Variants in HDAC9 observed in about 807,000 individuals in gnomAD.
The protein encoded by HDAC9 is MEF-2 interacting transcription repressor (MITR) protein.
HDAC9 carries 41 observed loss-of-function variants against 139.4 expected under a neutral mutation model. The ratio of observed to expected loss-of-function variants is 0.29; its 90% CI spans 0.23 to 0.38. The LOEUF (loss-of-function observed/expected upper bound fraction) is 0.38, where lower values mean the gene tolerates loss of function less well. HDAC9 is among the 10% of genes least tolerant of loss of function. The pLI, the probability that HDAC9 is intolerant of heterozygous loss-of-function variation, is 1.00. For synonymous variants in HDAC9, 517 were observed against 476.2 expected, an observed-to-expected ratio of 1.09 and a Z score of -1.12; for missense variants, 1,147 against 1,297.0, an observed-to-expected ratio of 0.88 and a Z score of 1.78.
At chr7:18,324,647 A>G (rs1178737296) in intron 1 of HDAC9, among the ~76,000 whole-genome samples, 1 of 152,158 alleles carries the variant, frequency 6.6e-6, no homozygotes, top group Non-Finnish European at 1.5e-5. Flanking sequence ...CTCAGGGCCC[A>G]TTGCGGAACT....
chr7:18,431,139 A>G (rs11765376), intron 1 of HDAC9, among the ~76,000 whole-genome samples: 5,443 of 152,194 alleles, frequency 0.036, 120 homozygotes, highest in Middle Eastern at 0.068. Context: ...TGATGCACCT[A>G]CTGTTCCATA....
intron 21 of HDAC9, among the ~76,000 whole-genome samples, chr7:18,856,309 G>A (rs1454116075): frequency 6.6e-6 from 1 of 152,052 alleles, no homozygotes; most frequent in East Asian, 1.9e-4. Context: ...GAAACCATGA[G>A]TAACTGATTA....
At chr7:18,163,025 A>G (rs941730568) in intron 2 of HDAC9, among the ~76,000 whole-genome samples, 2 of 152,126 alleles carry the variant, frequency 1.3e-5, no homozygotes, top group African/African-American at 4.8e-5. Context: ...GTTTTACAAG[A>G]ATTTTCTGCT....
intron 2 of HDAC9, among the ~76,000 whole-genome samples, chr7:18,540,295 G>C (rs926179809): frequency 6.7e-6 from 1 of 149,384 alleles, no homozygotes; most frequent in Non-Finnish European, 1.5e-5. Flanking sequence ...AAAAAAAAAG[G>C]TTGGGTGGGA....
intron 11 of HDAC9, among the ~76,000 whole-genome samples, chr7:18,657,236 A>T (rs1791527833): frequency 6.6e-6 from 1 of 151,864 alleles, no homozygotes; most frequent in Non-Finnish European, 1.5e-5. Context: ...TTTTAGCTTC[A>T]TTTTGCTGAT....
chr7:18,936,089 A>G, intron 23 of HDAC9, 147 bp downstream of exon 23: 1 of 750,972 alleles, frequency 1.3e-6, no homozygotes, highest in Non-Finnish European at 2.1e-6. Flanking sequence ...AGATAAGTTT[A>G]CATGTTCTCG....
chr7:18,451,429 A>ATATGTGTGTGTGTGTGTGTATATATGTG (rs1563001366), intron 1 of HDAC9, among the ~76,000 whole-genome samples: 1 of 137,654 alleles, frequency 7.3e-6, no homozygotes, highest in African/African-American at 2.7e-5. Flanking sequence ...GTGTATATAT[A>ATATGTGTGTGTGTGTGTGTATATATGTG]TGTGTGTGTG....
chr7:18,357,046 C>T (rs548468343), intron 1 of HDAC9, among the ~76,000 whole-genome samples: 243 of 152,200 alleles, frequency 1.6e-3, no homozygotes, highest in African/African-American at 5.4e-3. Flanking sequence ...CTCATCCCCA[C>T]GATTAATGGC....
At chr7:18,371,676 T>C (rs10233044) in intron 1 of HDAC9, among the ~76,000 whole-genome samples, 32,074 of 152,182 alleles carry the variant, frequency 0.21, 3,557 homozygotes, top group Admixed American at 0.23. Flanking sequence ...CTATCCATTC[T>C]CTTTTCTCAT....
chr7:18,452,409 A>G (rs1030638190), intron 1 of HDAC9, among the ~76,000 whole-genome samples: 3 of 152,162 alleles, frequency 2.0e-5, no homozygotes, highest in Non-Finnish European at 4.4e-5. Flanking sequence ...ATGTCTTCCA[A>G]TTGAGGGTCA....
intron 1 of HDAC9, among the ~76,000 whole-genome samples, chr7:18,464,852 T>C (rs952681573): frequency 6.6e-6 from 1 of 152,096 alleles, no homozygotes. Context: ...CTCTAAGATT[T>C]AGTAGATTGT....
chr7:18,508,990 T>C (rs17432462), intron 2 of HDAC9, among the ~76,000 whole-genome samples: 46,909 of 152,120 alleles, frequency 0.31, 8,030 homozygotes, highest in Middle Eastern at 0.4. Context: ...ATTCGTGACA[T>C]GTTGTTACAA....
chr7:18,719,300 T>A (rs1784945826), intron 12 of HDAC9, among the ~76,000 whole-genome samples: 1 of 150,298 alleles, frequency 6.7e-6, no homozygotes, highest in Non-Finnish European at 1.5e-5. Flanking sequence ...TTAACCTCAA[T>A]GAAGCCTAAT....
intron 16 of HDAC9, among the ~76,000 whole-genome samples, chr7:18,786,256 C>A (rs1027253826): frequency 6.6e-6 from 1 of 152,082 alleles, no homozygotes; most frequent in Non-Finnish European, 1.5e-5. Flanking sequence ...TAAATGTGAA[C>A]AGCATTATGT....
intron 14 of HDAC9, among the ~76,000 whole-genome samples, chr7:18,756,073 C>T (rs981672170): frequency 6.6e-6 from 1 of 152,112 alleles, no homozygotes; most frequent in African/African-American, 2.4e-5. Context: ...TTGGAAACAT[C>T]TGGGTGCCCA....
chr7:18,877,699 T>C (rs1009841457), intron 22 of HDAC9, among the ~76,000 whole-genome samples: 2 of 152,158 alleles, frequency 1.3e-5, no homozygotes, highest in African/African-American at 4.8e-5. Context: ...TTTTTAAACA[T>C]TGTTACCTGA....
rs142691189 is a variant in HDAC9 at position 18,970,810 on chromosome 7, T to TAAA, written c.3023-4990_3023-4988dup. 3.0e-3 allele frequency among the ~76,000 whole-genome samples: 461 copies of TAAA among 151,150 alleles called. 2 individuals carry two copies. Among genetic ancestry groups the TAAA allele is most frequent in the Admixed American group, 4.4e-3 (67 of 15,162 alleles). On this transcript the variant is annotated intron_variant, in intron 24 of 25. Transcript: ENST00000686413. ...CAACATCATTCAAATGGAAAAAAGG[T>TAAA]AAAAAAAAGCAAATTTGAGAAGGAG...
chr7:18,387,885 CTT>C (rs968695029), intron 1 of HDAC9, among the ~76,000 whole-genome samples: 14 of 151,296 alleles, frequency 9.3e-5, no homozygotes, highest in Non-Finnish European at 1.8e-4. Context: ...TGAAAAACAT[CTT>C]AACATTTTTT....
At position 18,198,423 on chromosome 7, in the gene HDAC9, G is replaced by T. The variant is rs576154917; in HGVS notation, c.25+36074G>T. Among the ~76,000 whole-genome samples the T allele has an allele frequency of 5.3e-5, 8 of 152,232 alleles. No individual in the cohort carries two copies. The East Asian group carries it at 1.5e-3, about 29-fold the overall frequency. ...CTTCCAACTGTAAAATCTTCTCTTA[G>T]AGTTGATTATGTAATTGAAAACAAA... On this transcript the variant is annotated intron_variant, in intron 2 of 12. Transcript: ENST00000417496.
Sources: gnomAD v4.1 joint callset for allele counts (sites outside exome capture counted in the v4.1 genomes callset) on GRCh38, gnomAD v4.1.1 for gene constraint, MANE v1.5 for transcripts, NCBI Gene and HGNC (gene_info 2026-07-23, HGNC 2026-07-21) for gene names.